Variants in AGBL4 observed in about 807,000 individuals in gnomAD.
AGBL4 encodes cytosolic carboxypeptidase 6.
In AGBL4, 58 loss-of-function variants were observed where a neutral mutation model predicts 66.4. The observed-to-expected ratio is 0.87, with a 90% confidence interval of 0.71 to 1.09. The LOEUF (loss-of-function observed/expected upper bound fraction) is 1.09, where lower values mean the gene tolerates loss of function less well. Ranked by LOEUF, AGBL4 falls within the 50% of genes least tolerant of loss-of-function variation. AGBL4 has a pLI of 0.00. For missense variants in AGBL4, 579 were observed against 631.0 expected, an observed-to-expected ratio of 0.92 and a Z score of 0.88; for synonymous variants, 234 against 222.9, an observed-to-expected ratio of 1.05 and a Z score of -0.44.
chr1:49,485,268 T>C (rs1647041179), intron 3 of AGBL4, among the ~76,000 whole-genome samples: 1 of 151,926 alleles, frequency 6.6e-6, no homozygotes, highest in Admixed American at 6.6e-5. Context: ...CATGGAATAC[T>C]ATGCAGCCAT....
At chr1:49,276,607 G>C (rs1644172199) in intron 3 of AGBL4, among the ~76,000 whole-genome samples, 1 of 152,114 alleles carries the variant, frequency 6.6e-6, no homozygotes, top group African/African-American at 2.4e-5. Flanking sequence ...CACCTTTAAA[G>C]GTCTGATAGA....
chr1:48,766,073 A>G (rs2148675427), intron 6 of AGBL4, among the ~76,000 whole-genome samples: 1 of 152,344 alleles, frequency 6.6e-6, no homozygotes, highest in African/African-American at 2.4e-5. Flanking sequence ...AAATGGTAAA[A>G]TTCACATTGA....
chr1:48,637,438 G>C (rs1645685241), intron 8 of AGBL4, among the ~76,000 whole-genome samples: 1 of 152,150 alleles, frequency 6.6e-6, no homozygotes, highest in Admixed American at 6.5e-5. Flanking sequence ...TGGTGAGTTT[G>C]CTCCTCCATC....
intron 5 of AGBL4, among the ~76,000 whole-genome samples, chr1:48,969,663 A>G (rs1268671229): frequency 1.3e-5 from 2 of 151,782 alleles, no homozygotes; most frequent in Non-Finnish European, 2.9e-5. Context: ...AGGAAAATAT[A>G]CCCTTCCTTT....
intron 1 of AGBL4, among the ~76,000 whole-genome samples, chr1:49,907,561 A>C (rs1650393780): frequency 6.6e-6 from 1 of 152,184 alleles, no homozygotes; most frequent in Admixed American, 6.6e-5. Flanking sequence ...GAAAGAAACC[A>C]ATCTGAAAAG....
intron 6 of AGBL4, among the ~76,000 whole-genome samples, chr1:48,769,526 AACACACACACACAC>A (rs558937968): frequency 2.9e-4 from 38 of 130,312 alleles, no homozygotes; most frequent in Middle Eastern, 3.7e-3. Context: ...GAGGATTTAA[AACACACACACACAC>A]ACACACACAC....
intron 3 of AGBL4, among the ~76,000 whole-genome samples, chr1:49,557,208 G>A (rs1643924630): frequency 1.3e-5 from 2 of 152,118 alleles, no homozygotes; most frequent in African/African-American, 4.8e-5. Context: ...AGCGGACGCT[G>A]AGGCCTGAGG....
intron 5 of AGBL4, among the ~76,000 whole-genome samples, chr1:49,038,652 AC>A (rs1176038281): frequency 6.6e-6 from 1 of 152,126 alleles, no homozygotes; most frequent in Non-Finnish European, 1.5e-5. Flanking sequence ...ACAATGAGAT[AC>A]AGTACACACC....
At chr1:48,666,853 T>C (rs1465534123) in intron 6 of AGBL4, among the ~76,000 whole-genome samples, 2 of 152,222 alleles carry the variant, frequency 1.3e-5, no homozygotes, top group Non-Finnish European at 2.9e-5. Context: ...CACTTATTCT[T>C]TGCCAGGCAC....
chr1:49,088,872 T>C (rs567764058), intron 4 of AGBL4, among the ~76,000 whole-genome samples: 5 of 151,734 alleles, frequency 3.3e-5, no homozygotes, highest in African/African-American at 1.2e-4. Context: ...CCTCAGCAAA[T>C]TAAAAAAAAT....
At chr1:49,741,844 T>G (rs530587388) in intron 2 of AGBL4, among the ~76,000 whole-genome samples, 12 of 152,218 alleles carry the variant, frequency 7.9e-5, no homozygotes, top group Admixed American at 1.3e-4. Context: ...TTGACAAAAT[T>G]CAACAACACT....
intron 3 of AGBL4, among the ~76,000 whole-genome samples, chr1:49,549,214 AT>A (rs1652751731): frequency 6.8e-6 from 1 of 147,060 alleles, no homozygotes. Context: ...TGGTCTATCA[AT>A]TTTGTTTATC....
rs533831519 is a variant in AGBL4, at chr1:49,311,198, T to C, written c.283-65334A>G. 8.5e-5 allele frequency among the ~76,000 whole-genome samples: 13 copies of C among 152,232 alleles called. No individual in the cohort carries two copies. The East Asian group carries it at 2.5e-3, about 29-fold the overall frequency. ...TATTTTTGTCTGTTCCTCAAATGGTTGTTTCATTTATCTTATCAGTAAATT... is the reference window on the plus strand; with the variant it reads ...TATTTTTGTCTGTTCCTCAAATGGTCGTTTCATTTATCTTATCAGTAAATT... On this transcript the variant is annotated intron_variant, in intron 3 of 13. Coordinates refer to ENST00000371839, the MANE Select transcript of AGBL4 (RefSeq NM_032785.4).
intron 5 of AGBL4, among the ~76,000 whole-genome samples, chr1:48,876,299 C>T (rs1340029353): frequency 6.6e-6 from 1 of 152,230 alleles, no homozygotes; most frequent in South Asian, 2.1e-4. Context: ...GAAACCCTTA[C>T]TCCTGCTGGA....
chr1:48,847,720 C>G (rs968706694), intron 6 of AGBL4, among the ~76,000 whole-genome samples: 2 of 152,108 alleles, frequency 1.3e-5, no homozygotes, highest in Non-Finnish European at 2.9e-5. Flanking sequence ...CTCTTTATAT[C>G]TAGTTCTGAA....
chr1:49,263,601 A>G (rs1057178484), intron 3 of AGBL4, among the ~76,000 whole-genome samples: 1 of 152,316 alleles, frequency 6.6e-6, no homozygotes, highest in East Asian at 1.9e-4. Context: ...CTCATCCATC[A>G]TATCAGCAAA....
chr1:48,543,421 TCCA>T (rs1557773988), intron 11 of AGBL4, among the ~76,000 whole-genome samples: 5 of 151,802 alleles, frequency 3.3e-5, no homozygotes, highest in Non-Finnish European at 7.4e-5. Flanking sequence ...CATCCATCCA[TCCA>T]TCCATCTACC....
chr1:49,675,808 T>A (rs1646568016), intron 3 of AGBL4, among the ~76,000 whole-genome samples: 1 of 152,070 alleles, frequency 6.6e-6, no homozygotes, highest in African/African-American at 2.4e-5. Context: ...CCAGGGGGGA[T>A]CCACTTTCCA....
chr1:49,271,058 C>T (rs992001079), intron 3 of AGBL4, among the ~76,000 whole-genome samples: 1 of 152,132 alleles, frequency 6.6e-6, no homozygotes, highest in Admixed American at 6.5e-5. Context: ...GTTAAAATTC[C>T]ACACTTTCAC....
Sources: gnomAD v4.1 joint callset for allele counts (sites outside exome capture counted in the v4.1 genomes callset) on GRCh38, gnomAD v4.1.1 for gene constraint, MANE v1.5 for transcripts, NCBI Gene and HGNC (gene_info 2026-07-23, HGNC 2026-07-21) for gene names.